The following RHBDD1 variants were observed in gnomAD, a reference collection of about 807,000 sequenced individuals.
RHBDD1 encodes rhomboid domain containing 1, also known as rhomboid-related protein 4.
A neutral mutation model predicts 36.3 loss-of-function variants in RHBDD1; 38 were observed. That is an observed-to-expected ratio of 1.05 (90% CI 0.81 to 1.37). The LOEUF (loss-of-function observed/expected upper bound fraction) is 1.37, where lower values mean the gene tolerates loss of function less well. RHBDD1 is among the 40% of genes most tolerant of loss of function. RHBDD1 has a pLI of 0.00. For synonymous variants in RHBDD1, 151 were observed against 136.5 expected (o/e 1.11, Z -0.74); for missense variants, 393 against 377.6 (o/e 1.04, Z -0.34).
At chr2:226,925,837 TA>T (rs972562914) in intron 8 of RHBDD1, among the ~76,000 whole-genome samples, 11 of 152,164 alleles carry the variant, frequency 7.2e-5, no homozygotes, top group African/African-American at 2.4e-4. Context: ...CAGAGCTAAT[TA>T]GAATCATAAG....
rs1253422011 is a variant in RHBDD1 at position 226,997,181 on chromosome 2, T to A, written c.*1659T>A. The A allele has an allele frequency of 2.0e-5, 3 of 152,218 alleles. No individual in the cohort carries two copies. Among genetic ancestry groups the A allele is most frequent in the Non-Finnish European group, 4.4e-5 (3 of 68,050 alleles). 9.4% of individuals were successfully genotyped at this position (152,218 alleles called of 1,614,324 possible). A position where few individuals can be genotyped will look rare whatever the true frequency, so the allele number is the denominator to read the frequency against. On this transcript the variant is annotated 3_prime_UTR_variant, in exon 9 of 9. Coordinates refer to ENST00000392062, the MANE Select transcript of RHBDD1 (RefSeq NM_001167608.3). ...TAATATCTGAGCTCCTTTGGTTAATTTATAACTGATATAAAACTACATCTT... is the reference window on the plus strand; with the variant it reads ...TAATATCTGAGCTCCTTTGGTTAATATATAACTGATATAAAACTACATCTT...
the RHBDD1 span, among the ~76,000 whole-genome samples, chr2:226,817,297 C>A: frequency 6.6e-6 from 1 of 152,142 alleles, no homozygotes; most frequent in Non-Finnish European, 1.5e-5. Context: ...TTGGCTTAAC[C>A]AAAATGCCTA....
intron 8 of RHBDD1, among the ~76,000 whole-genome samples, chr2:226,955,076 AACTC>A (rs1477637378): frequency 6.6e-6 from 1 of 152,004 alleles, no homozygotes; most frequent in African/African-American, 2.4e-5. Flanking sequence ...TGGGGCCAAG[AACTC>A]ACAGGACCTT....
At chr2:226,858,762 T>C (rs1208512624) in intron 3 of RHBDD1, among the ~76,000 whole-genome samples, 1 of 152,288 alleles carries the variant, frequency 6.6e-6, no homozygotes, top group East Asian at 1.9e-4. Context: ...TACATACCTG[T>C]TTAATTTTTA....
At position 226,937,840 on chromosome 2, in the gene RHBDD1, C is replaced by T. The variant is rs538313344; in HGVS notation, c.856+23489C>T. 7.2e-5 allele frequency among the ~76,000 whole-genome samples: 11 copies of T among 152,314 alleles called. No individual in the cohort carries two copies. In the South Asian group the frequency reaches 2.3e-3, roughly 32 times the overall value. On this transcript the variant is annotated intron_variant, in intron 8 of 8. Transcript: ENST00000392062. ...ACCACATTTTCTTTATCCAGTCTAT[C>T]ATTGATGGGCATTTGGGTTGATACC...
chr2:226,918,749 A>G (rs953574203), intron 8 of RHBDD1, among the ~76,000 whole-genome samples: 3 of 152,110 alleles, frequency 2.0e-5, no homozygotes, highest in African/African-American at 7.2e-5. Context: ...AATCTTGGCT[A>G]CTATGAATAG....
intron 3 of RHBDD1, among the ~76,000 whole-genome samples, chr2:226,860,005 T>C (rs1252376344): frequency 2.1e-5 from 3 of 140,890 alleles, no homozygotes; most frequent in Non-Finnish European, 4.5e-5. Flanking sequence ...AAGAAGTAGA[T>C]TGATAAAAAA....
At chr2:226,833,517 T>G (rs1247939558), upstream of RHBDD1, among the ~76,000 whole-genome samples, 1 of 152,214 alleles carries the variant, frequency 6.6e-6, no homozygotes, top group African/African-American at 2.4e-5. Flanking sequence ...AAACACTCAT[T>G]TAAGTCGGGT....
intron 8 of RHBDD1, chr2:226,988,729 T>A: frequency 1.1e-6 from 1 of 921,084 alleles, no homozygotes; most frequent in Non-Finnish European, 1.3e-6. Context: ...GATATAGATA[T>A]ATTAAGAGAT....
In RHBDD1 at chr2:226,864,939, T is replaced by C. The variant is rs752210421; in HGVS notation, c.246T>C (p.Tyr82=). The C allele has an allele frequency of 1.9e-6, 3 of 1,614,230 alleles. No homozygotes were observed. The Admixed American group carries it at 5.0e-5, about 27-fold the overall frequency. Reference sequence around the variant, plus strand: ...ACCATGCTGATGATTGGCATTTGTATTTCAATATGGCATCCATGCTCTGGA... The same window carrying C: ...ACCATGCTGATGATTGGCATTTGTACTTCAATATGGCATCCATGCTCTGGA... ...PLHHADDWHL[Y]FNMASMLWKG... The change falls in exon 4 of 9, where the codon TAT becomes TAC. Residue 82 remains tyrosine (Y), a synonymous_variant. Coordinates refer to ENST00000392062, the MANE Select transcript of RHBDD1 (RefSeq NM_001167608.3).
chr2:226,876,341 C>T (rs936703177), intron 5 of RHBDD1, among the ~76,000 whole-genome samples: 3 of 152,126 alleles, frequency 2.0e-5, no homozygotes, highest in African/African-American at 4.8e-5. Context: ...CTGAGAGAAT[C>T]GAAAAGAGCA....
intron 8 of RHBDD1, among the ~76,000 whole-genome samples, chr2:226,976,049 G>T (rs527390351): frequency 3.9e-4 from 59 of 151,926 alleles, no homozygotes; most frequent in African/African-American, 1.4e-3. Flanking sequence ...AGTCCTGGCT[G>T]TTTGGTTTGG....
At chr2:226,933,923 G>A (rs1950184694) in intron 8 of RHBDD1, among the ~76,000 whole-genome samples, 1 of 152,006 alleles carries the variant, frequency 6.6e-6, no homozygotes, top group Admixed American at 6.6e-5. Flanking sequence ...AGAAACTATA[G>A]TTTCTTTTTA....
intron 8 of RHBDD1, among the ~76,000 whole-genome samples, chr2:226,974,209 T>G (rs1954122381): frequency 6.8e-6 from 1 of 147,672 alleles, no homozygotes; most frequent in African/African-American, 2.5e-5. Context: ...CAGAGTGTTG[T>G]ATGGGTGTTG....
At chr2:226,988,320 GA>G (rs751091669) in intron 8 of RHBDD1, 6 of 1,547,918 alleles carry the variant, frequency 3.9e-6, no homozygotes, top group African/African-American at 1.4e-5. Flanking sequence ...TGCCCCACCT[GA>G]ACATCTGCAG....
the RHBDD1 span, among the ~76,000 whole-genome samples, chr2:226,824,098 C>A: frequency 1.1e-4 from 16 of 152,100 alleles, no homozygotes; most frequent in East Asian, 3.9e-4. Context: ...TTTTTTCTCT[C>A]TCTATATATA....
intron 8 of RHBDD1, among the ~76,000 whole-genome samples, chr2:226,975,215 T>C (rs1028716591): frequency 3.3e-5 from 5 of 152,136 alleles, no homozygotes; most frequent in African/African-American, 4.8e-5. Flanking sequence ...AACAGGACCA[T>C]GTAGAAAAGG....
At chr2:226,935,795 A>G (rs1950293790) in intron 8 of RHBDD1, among the ~76,000 whole-genome samples, 1 of 152,114 alleles carries the variant, frequency 6.6e-6, no homozygotes, top group Non-Finnish European at 1.5e-5. Flanking sequence ...CAGATGAAAG[A>G]TCTCTGAAAG....
rs1960277775 is a variant in RHBDD1, at chr2:226,999,074, G to A, written c.*3552G>A. The A allele has an allele frequency of 6.6e-6, 1 of 152,272 alleles. No individual in the cohort carries two copies. The allele number at this position is 152,272 out of a possible 1,614,324, so 9.4% of individuals were successfully genotyped here. On this transcript the variant is annotated 3_prime_UTR_variant, in exon 9 of 9. Transcript: ENST00000392062. ...GGAATTGCTGGTTATGCTGCAATGAGAGAATGTCTTTGTCTTTAAATTGTA... is the reference window on the plus strand; with the variant it reads ...GGAATTGCTGGTTATGCTGCAATGAAAGAATGTCTTTGTCTTTAAATTGTA...
Sources: allele counts gnomAD v4.1 joint callset (sites outside exome capture counted in the v4.1 genomes callset), GRCh38; gene constraint gnomAD v4.1.1; transcripts MANE v1.5; gene names NCBI Gene and HGNC (gene_info 2026-07-23, HGNC 2026-07-21).